The following DLG1 variants were observed in gnomAD, a reference collection of about 807,000 sequenced individuals.
DLG1 encodes the protein discs large MAGUK scaffold protein 1.
In DLG1, 42 loss-of-function variants were observed where a neutral mutation model predicts 123.4. The observed-to-expected ratio is 0.34, with a 90% CI of 0.27 to 0.44. DLG1 has a LOEUF of 0.44. DLG1 is among the 20% of genes least tolerant of loss of function. The pLI, the probability that DLG1 is intolerant of heterozygous loss-of-function variation, is 1.00. For synonymous variants in DLG1, 317 were observed against 356.2 expected (o/e 0.89, Z 1.24); for missense variants, 942 against 1,082.6 (o/e 0.87, Z 1.82).
chr3:197,075,571 G>C (rs1328660233), intron 18 of DLG1, among the ~76,000 whole-genome samples: 2 of 151,948 alleles, frequency 1.3e-5, no homozygotes, highest in Non-Finnish European at 2.9e-5. Context: ...CCTAGCAAAA[G>C]TAACTGTCGT....
chr3:197,083,131 C>G (rs879425219), intron 16 of DLG1, among the ~76,000 whole-genome samples: 3 of 152,174 alleles, frequency 2.0e-5, no homozygotes, highest in Non-Finnish European at 2.9e-5. Flanking sequence ...ACTGAAAGAT[C>G]TAGCCAAATA....
At chr3:197,279,615 T>G (rs868575679) in intron 4 of DLG1, among the ~76,000 whole-genome samples, 7 of 152,186 alleles carry the variant, frequency 4.6e-5, no homozygotes, top group Non-Finnish European at 8.8e-5. Flanking sequence ...TTTTCTCCTA[T>G]TCCCTTGAGG....
chr3:197,222,551 T>A lies in DLG1; in HGVS notation c.319-27962A>T, dbSNP rs116517649. Among the ~76,000 whole-genome samples, 477 of 152,240 alleles carry A rather than the reference T, an allele frequency of 3.1e-3. 3 individuals carry two copies. The highest frequency in any genetic ancestry group is 0.011 in the African/African-American group (449 of 41,528). ...TAGGTCTTCTCGTTTTCCACCCAAT[T>A]ATCTCTTAACAGCAAAAAACAAATC... On this transcript the variant is annotated intron_variant, in intron 4 of 24. Transcript: ENST00000667157.
At chr3:197,163,378 CA>C (rs1450006185) in intron 5 of DLG1, among the ~76,000 whole-genome samples, 3 of 152,044 alleles carry the variant, frequency 2.0e-5, no homozygotes, top group African/African-American at 7.2e-5. Context: ...GGCATATTCC[CA>C]AAAGTGAGAG....
intron 5 of DLG1, among the ~76,000 whole-genome samples, chr3:197,153,584 A>G (rs1366154567): frequency 2.0e-5 from 3 of 152,098 alleles, no homozygotes; most frequent in Non-Finnish European, 4.4e-5. Context: ...CCTCCTCCTC[A>G]TTGTTGGAAA....
chr3:197,059,892 A>T lies in DLG1; in HGVS notation c.2480T>A (p.Ile827Asn), dbSNP rs1374901932. The T allele has an allele frequency of 2.5e-6, 4 of 1,607,454 alleles. No homozygotes were observed. The African/African-American group carries it at 5.4e-5, about 22-fold the overall frequency. ...IFIKPKSMEN[I>N]MEMNKRLTEE... ...TGCCTTAGGCATTTACACTTACATGATATTTTCCATGGATTTGGGTTTAAT... is the reference window on the plus strand; with the variant it reads ...TGCCTTAGGCATTTACACTTACATGTTATTTTCCATGGATTTGGGTTTAAT... The change falls in exon 23 of 25, where the codon ATC becomes AAC. Residue 827 changes from isoleucine to asparagine, a missense_variant. By Grantham distance (149) the Ile-to-Asn change is moderately radical. Coordinates refer to ENST00000667157, the MANE Select transcript of DLG1 (RefSeq NM_001366207.1).
chr3:197,283,446 A>G (rs2151162210), intron 3 of DLG1, among the ~76,000 whole-genome samples: 1 of 152,346 alleles, frequency 6.6e-6, no homozygotes, highest in Admixed American at 6.5e-5. Context: ...AGTAAATTAA[A>G]TATTTTATAC....
chr3:197,110,874 G>A (rs1769584144), intron 13 of DLG1, among the ~76,000 whole-genome samples: 1 of 152,140 alleles, frequency 6.6e-6, no homozygotes, highest in African/African-American at 2.4e-5. Context: ...ATTAACAACT[G>A]CCTTAAATCG....
intron 4 of DLG1, among the ~76,000 whole-genome samples, chr3:197,206,538 C>T (rs1392184679): frequency 6.6e-6 from 1 of 152,008 alleles, no homozygotes; most frequent in Non-Finnish European, 1.5e-5. Context: ...GAGCTCAAAG[C>T]GATACACCTG....
At chr3:197,052,519 G>C (rs1276155541) in intron 23 of DLG1, among the ~76,000 whole-genome samples, 1 of 152,148 alleles carries the variant, frequency 6.6e-6, no homozygotes, top group Admixed American at 6.5e-5. Context: ...TTTAGTCACT[G>C]AATATGTTGC....
At chr3:197,121,220 A>C (rs1776192896) in intron 11 of DLG1, among the ~76,000 whole-genome samples, 1 of 152,152 alleles carries the variant, frequency 6.6e-6, no homozygotes, top group Non-Finnish European at 1.5e-5. Flanking sequence ...GACAACAGAG[A>C]CTAAAAATTA....
At chr3:197,272,713 A>G (rs58960165) in intron 4 of DLG1, among the ~76,000 whole-genome samples, 20,618 of 152,208 alleles carry the variant, frequency 0.14, 1,477 homozygotes, top group Middle Eastern at 0.15. Context: ...ATGCACAAAT[A>G]TAAGAAAAAA....
At chr3:197,101,037 T>C (rs185130029) in intron 14 of DLG1, among the ~76,000 whole-genome samples, 5 of 152,340 alleles carry the variant, frequency 3.3e-5, no homozygotes, top group African/African-American at 1.2e-4. Flanking sequence ...ACAAGCTAGC[T>C]TCAGTATTTC....
intron 14 of DLG1, among the ~76,000 whole-genome samples, chr3:197,101,306 G>C (rs1045352883): frequency 1.3e-5 from 2 of 152,130 alleles, no homozygotes; most frequent in African/African-American, 2.4e-5. Context: ...GATTATCTTG[G>C]GAGTTAAAAG....
intron 3 of DLG1, among the ~76,000 whole-genome samples, chr3:197,285,115 T>C (rs1326752428): frequency 1.3e-5 from 2 of 152,066 alleles, no homozygotes; most frequent in African/African-American, 4.8e-5. Flanking sequence ...CATAAAAATT[T>C]TTCATTACCT....
At chr3:197,083,497 GGAAT>G (rs1433959132) in intron 16 of DLG1, among the ~76,000 whole-genome samples, 1 of 152,064 alleles carries the variant, frequency 6.6e-6, no homozygotes, top group Non-Finnish European at 1.5e-5. Context: ...CTATCTCAGG[GGAAT>G]TCTGAAATGA....
At chr3:197,070,564 C>CTTTTTTT (rs1491200833) in intron 18 of DLG1, 18 of 44,922 alleles carry the variant, frequency 4.0e-4, no homozygotes, top group African/African-American at 7.8e-4. Context: ...CTGGAAATTT[C>CTTTTTTT]ATTTTTTTTT....
intron 18 of DLG1, among the ~76,000 whole-genome samples, chr3:197,072,680 TAA>T (rs200686303): frequency 0.053 from 7,281 of 136,566 alleles, 205 homozygotes; most frequent in South Asian, 0.077. Flanking sequence ...ATGATTGTCT[TAA>T]AAAAAAAAAA....
intron 4 of DLG1, among the ~76,000 whole-genome samples, chr3:197,203,312 AG>A (rs1261351791): frequency 3.3e-5 from 5 of 152,220 alleles, no homozygotes; most frequent in Non-Finnish European, 7.3e-5. Flanking sequence ...TAAAATACTT[AG>A]AAAACTGTGT....
Sources: gnomAD v4.1 joint callset for allele counts (sites outside exome capture counted in the v4.1 genomes callset) on GRCh38, gnomAD v4.1.1 for gene constraint, MANE v1.5 for transcripts, NCBI Gene and HGNC (gene_info 2026-07-23, HGNC 2026-07-21) for gene names.